The following FAM177A1 variants were observed in gnomAD, a reference collection of about 807,000 sequenced individuals.
FAM177A1 encodes the protein family with sequence similarity 177 member A1, also known as protein FAM177A1.
Under a neutral mutation model 26.1 loss-of-function variants are expected in FAM177A1, and 22 were observed. That is an observed-to-expected ratio of 0.84 (90% CI 0.60 to 1.20). The LOEUF (loss-of-function observed/expected upper bound fraction) is 1.20, where lower values mean the gene tolerates loss of function less well. Ranked by LOEUF, FAM177A1 falls within the 50% of genes most tolerant of loss-of-function variation. FAM177A1 has a pLI of 0.00. For missense variants in FAM177A1, 296 were observed against 291.1 expected, an observed-to-expected ratio of 1.02 and a Z score of -0.12; for synonymous variants, 95 against 99.3, an observed-to-expected ratio of 0.96 and a Z score of 0.26.
intron 2 of FAM177A1, among the ~76,000 whole-genome samples, chr14:35,076,711 C>T (rs1180103504): frequency 6.6e-6 from 1 of 152,178 alleles, no homozygotes; most frequent in Admixed American, 6.6e-5. Context: ...CTTAATTTCT[C>T]TGAACCTTAA....
At chr14:35,046,873 G>A in intron 1 of FAM177A1, 1 of 1,317,812 alleles carries the variant, frequency 7.6e-7, no homozygotes, top group Non-Finnish European at 9.7e-7. Context: ...GGTTCCTGGG[G>A]TGATAGTCCA....
At chr14:35,077,246 A>G (rs17103013) in intron 3 of FAM177A1, 30 bp downstream of exon 3, 83,572 of 1,596,170 alleles carry the variant, frequency 0.052, 3,248 homozygotes, top group African/African-American at 0.19. Flanking sequence ...ATATTGTATA[A>G]TTGCTGTAAC....
At chr14:35,047,091 G>A in intron 1 of FAM177A1, 1 of 871,748 alleles carries the variant, frequency 1.1e-6, no homozygotes, top group Non-Finnish European at 1.4e-6. Context: ...CGAGGTGGGT[G>A]TTAGCCCCAT....
intron 2 of FAM177A1, among the ~76,000 whole-genome samples, chr14:35,059,538 T>C (rs1192734300): frequency 6.8e-6 from 1 of 146,648 alleles, no homozygotes; most frequent in African/African-American, 2.5e-5. Flanking sequence ...TACATTTCTT[T>C]TTTTTTTTTT....
intron 3 of FAM177A1, among the ~76,000 whole-genome samples, chr14:35,077,716 T>C (rs2045420179): frequency 6.6e-6 from 1 of 150,844 alleles, no homozygotes; most frequent in Admixed American, 6.6e-5. Context: ...TCTCCTGACC[T>C]CATGATCCAC....
intron 2 of FAM177A1, among the ~76,000 whole-genome samples, chr14:35,069,431 A>G (rs112317271): frequency 0.07 from 10,685 of 152,008 alleles, 494 homozygotes; most frequent in Non-Finnish European, 0.11. Context: ...GATTACAGGC[A>G]TGTGCCACCA....
chr14:35,080,344 A>G (rs1360563249), intron 4 of FAM177A1, among the ~76,000 whole-genome samples: 1 of 152,152 alleles, frequency 6.6e-6, no homozygotes, highest in Non-Finnish European at 1.5e-5. Flanking sequence ...AAATGAACCA[A>G]CCTATTCAAC....
intron 1 of FAM177A1, 125 bp from the exon 2 acceptor site, chr14:35,053,153 A>G (rs903207276): frequency 3.5e-6 from 3 of 858,210 alleles, no homozygotes; most frequent in African/African-American, 1.7e-5. Context: ...CATGTCTCAG[A>G]ACAAACCAAA....
rs200943712 is a variant in FAM177A1, at chr14:35,054,121, A to C, written c.339+670A>C. On this transcript the variant is annotated intron_variant, in intron 2 of 4. Transcript: ENST00000280987. The stretch of plus-strand genomic sequence containing the variant: ...CAGCTTTTTAAAATACTGCCTCAAC[A>C]GGAGAATGGCATGAACCCGGGAGGC... Among the ~76,000 whole-genome samples, 18 of 152,322 alleles carry C rather than the reference A, an allele frequency of 1.2e-4. No individual in the cohort carries two copies. The East Asian group carries it at 3.5e-3, about 29-fold the overall frequency.
At chr14:35,077,095 A>T (rs2045407480) in intron 2 of FAM177A1, 55 bp from the exon 3 acceptor site, 2 of 1,419,524 alleles carry the variant, frequency 1.4e-6, no homozygotes, top group Non-Finnish European at 2.0e-6. Flanking sequence ...ATTCTGGCCT[A>T]AATATATGGA....
intron 2 of FAM177A1, among the ~76,000 whole-genome samples, chr14:35,071,597 A>T (rs2045322894): frequency 6.6e-6 from 1 of 151,996 alleles, no homozygotes; most frequent in Non-Finnish European, 1.5e-5. Context: ...GGCCCTATAT[A>T]TTCATTCTGT....
In FAM177A1 at chr14:35,082,762, T is replaced by C. The variant is rs2045506228; in HGVS notation, c.*1534T>C. 6.6e-6 allele frequency: 1 copy of C among 152,016 alleles called. No homozygotes were observed. The highest frequency in any genetic ancestry group is 2.1e-4 in the South Asian group (1 of 4,830). The allele number at this position is 152,016 out of a possible 1,614,324, so 9.4% of individuals were successfully genotyped here. ...ATTAAGTTTTCAATTTTAATATATC[T>C]ATATAAAATATAGTGTCAAAGAAAG... On this transcript the variant is annotated 3_prime_UTR_variant, in exon 5 of 5. Transcript: ENST00000280987.
Position 35,082,640 on chromosome 14 carries a change from ATG to A in FAM177A1, c.*1417_*1418del, listed in dbSNP as rs945324803. On this transcript the variant is annotated 3_prime_UTR_variant, in exon 5 of 5. Transcript: ENST00000280987. The stretch of plus-strand genomic sequence containing the variant: ...TATAATTAAATGTGGGTGAGGAAGA[ATG>A]TGTGGAGTGTTTCAGAAATTTTGAT... The A allele has an allele frequency of 5.9e-5, 9 of 152,212 alleles. No individual in the cohort carries two copies. Among genetic ancestry groups the A allele is most frequent in the Non-Finnish European group, 1.2e-4 (8 of 68,042 alleles). The allele number at this position is 152,212 out of a possible 1,614,324, so 9.4% of individuals were successfully genotyped here. A position where few individuals can be genotyped will look rare whatever the true frequency, so the allele number is the denominator to read the frequency against.
intron 2 of FAM177A1, among the ~76,000 whole-genome samples, chr14:35,066,624 C>G (rs2045245280): frequency 6.6e-6 from 1 of 150,688 alleles, no homozygotes; most frequent in African/African-American, 2.4e-5. Flanking sequence ...AGGCTGGTCT[C>G]AAACTCCTGA....
At chr14:35,051,915 G>T (rs2044977960) in intron 1 of FAM177A1, among the ~76,000 whole-genome samples, 2 of 151,930 alleles carry the variant, frequency 1.3e-5, no homozygotes, top group South Asian at 4.1e-4. Context: ...TCCTTTTTTT[G>T]CAATAGCAAT....
chr14:35,049,040 G>A (rs568457425), intron 1 of FAM177A1, among the ~76,000 whole-genome samples: 2 of 151,962 alleles, frequency 1.3e-5, no homozygotes, highest in African/African-American at 2.4e-5. Flanking sequence ...ACAGGCGCAC[G>A]CAACCACATC....
chr14:35,046,315 T>C lies in FAM177A1; in HGVS notation c.-149T>C. On this transcript the variant is annotated 5_prime_UTR_variant, in exon 1 of 5. Coordinates refer to ENST00000280987, the MANE Select transcript of FAM177A1 (RefSeq NM_173607.5). Reference sequence around the variant, plus strand: ...TCTCGGGGTGCGGAGCCCGGCGGGCTAGGCGAGGCGCGGGCTGGCCCCGCC... The same window carrying C: ...TCTCGGGGTGCGGAGCCCGGCGGGCCAGGCGAGGCGCGGGCTGGCCCCGCC... 1 of 953,596 alleles carries C rather than the reference T, an allele frequency of 1.0e-6. No individual in the cohort carries two copies. The highest frequency in any genetic ancestry group is 4.2e-5 in the Admixed American group (1 of 23,716). 59.1% of individuals were successfully genotyped at this position (953,596 alleles called of 1,614,324 possible). A position where few individuals can be genotyped will look rare whatever the true frequency, so the allele number is the denominator to read the frequency against.
intron 2 of FAM177A1, among the ~76,000 whole-genome samples, chr14:35,063,074 T>C (rs1412534958): frequency 7.1e-6 from 1 of 141,770 alleles, no homozygotes; most frequent in Non-Finnish European, 1.5e-5. Flanking sequence ...GGCAGGAGAA[T>C]GGCTTGAACC....
intron 1 of FAM177A1, among the ~76,000 whole-genome samples, chr14:35,048,350 TTTGA>T (rs2044908164): frequency 6.6e-6 from 1 of 152,174 alleles, no homozygotes; most frequent in Non-Finnish European, 1.5e-5. Context: ...TGAGAGGCTC[TTTGA>T]TTGGGGTTAG....
Sources: gnomAD v4.1 joint callset for allele counts (sites outside exome capture counted in the v4.1 genomes callset) on GRCh38, gnomAD v4.1.1 for gene constraint, MANE v1.5 for transcripts, NCBI Gene and HGNC (gene_info 2026-07-23, HGNC 2026-07-21) for gene names.